The following TASOR2 variants were observed in gnomAD, a reference collection of about 807,000 sequenced individuals.
The protein encoded by TASOR2 is protein TASOR 2.
In TASOR2, 84 loss-of-function variants were observed where a neutral mutation model predicts 199.5. The observed-to-expected ratio is 0.42, with a 90% CI of 0.35 to 0.50. TASOR2 has a LOEUF of 0.50. Ranked by LOEUF, TASOR2 falls within the 20% of genes least tolerant of loss-of-function variation. The pLI is 0.02. For missense variants in TASOR2, 2,796 were observed against 2,835.9 expected (o/e 0.99, Z 0.32); for synonymous variants, 1,103 against 1,046.6 (o/e 1.05, Z -1.04).
In TASOR2 at chr10:5,738,570, G is replaced by A. The variant is rs1057446780; in HGVS notation, c.1448-1048G>A. On this transcript the variant is annotated intron_variant, in intron 12 of 20. Transcript: ENST00000328090. This position sits in a 1 kb window ranked among gnomAD's most constrained non-coding sequence, Gnocchi z 4.7. ...ATAAAAACTGGGCAGTCGTTGATCA[G>A]TTTAACCCTTTCCCCATGTATGTGC... Among the ~76,000 whole-genome samples, 3 of 152,200 alleles carry A rather than the reference G, an allele frequency of 2.0e-5. No homozygotes were observed. The highest frequency in any genetic ancestry group is 7.2e-5 in the African/African-American group (3 of 41,460).
chr10:5,727,267 C>CT (rs1834167792), intron 10 of TASOR2, 144 bp downstream of exon 11: 2 of 769,028 alleles, frequency 2.6e-6, no homozygotes, highest in African/African-American at 3.5e-5. Flanking sequence ...GTTCACCCTT[C>CT]TTGACCTCCC....
At chr10:5,731,715 G>GA (rs1347107021) in intron 11 of TASOR2, among the ~76,000 whole-genome samples, 1 of 152,302 alleles carries the variant, frequency 6.6e-6, no homozygotes, top group East Asian at 1.9e-4. Flanking sequence ...GAAAGACCAA[G>GA]ATACCTCAAA....
intron 18 of TASOR2, 149 bp downstream of exon 19, chr10:5,759,141 G>A: frequency 1.6e-6 from 1 of 619,060 alleles, no homozygotes. Context: ...TTCAATGAAG[G>A]AAGCTATGTG....
chr10:5,729,002 A>G (rs899532793), intron 10 of TASOR2, among the ~76,000 whole-genome samples: 6 of 152,184 alleles, frequency 3.9e-5, no homozygotes, highest in African/African-American at 1.4e-4. Flanking sequence ...AAATTCTCAC[A>G]TAAATATGAT....
At position 5,737,350 on chromosome 10, in the gene TASOR2, G is replaced by C. The variant is rs1835763488; in HGVS notation, c.1447+1804G>C. Reference sequence around the variant, plus strand: ...TTTAAGTTTTTTCAGATTGTTTTATGACTGAAGATTTTTTTAAAAGCTCAT... The same window carrying C: ...TTTAAGTTTTTTCAGATTGTTTTATCACTGAAGATTTTTTTAAAAGCTCAT... On this transcript the variant is annotated intron_variant, in intron 12 of 20. Coordinates refer to ENST00000328090, the Ensembl canonical transcript of TASOR2. The surrounding 1 kb of genome is among the most constrained non-coding windows in gnomAD (Gnocchi z 4.9). 6.7e-6 allele frequency among the ~76,000 whole-genome samples: 1 copy of C among 150,134 alleles called. No homozygotes were observed. The highest frequency in any genetic ancestry group is 1.5e-5 in the Non-Finnish European group (1 of 67,608).
At chr10:5,712,227 A>G (rs1266179220) in intron 1 of TASOR2, 2 of 413,356 alleles carry the variant, frequency 4.8e-6, no homozygotes, top group Non-Finnish European at 8.1e-6. Flanking sequence ...TATTTAGGTT[A>G]TTTTCTTTAC....
chr10:5,728,635 C>T (rs1834377553), intron 10 of TASOR2, among the ~76,000 whole-genome samples: 1 of 151,610 alleles, frequency 6.6e-6, no homozygotes, highest in Non-Finnish European at 1.5e-5. Flanking sequence ...AAAAACAAAA[C>T]AATTCAGTTA....
chr10:5,730,696 C>G lies in TASOR2; in HGVS notation c.697C>G (p.Pro233Ala), dbSNP rs574658026. 2.9e-5 allele frequency: 47 copies of G among 1,614,124 alleles called. 1 individual carries two copies. The South Asian group carries it at 5.1e-4, about 17-fold the overall frequency. The change falls in exon 11 of 21, where the codon CCT becomes GCT. Residue 233 changes from proline (P) to alanine (A), a missense_variant. Transcript: ENST00000328090. The surrounding 1 kb of genome is among the most constrained non-coding windows in gnomAD (Gnocchi z 4.1). Reference sequence around the variant, plus strand: ...TGCTCCTCAGGATAGAATGAAAGACCCTACATTCTTGGGGAAACTGCCCAG... The same window carrying G: ...TGCTCCTCAGGATAGAATGAAAGACGCTACATTCTTGGGGAAACTGCCCAG...
At chr10:5,731,025 G>A (rs377237196) in exon 11 of TASOR2, 31 of 1,614,058 alleles carry the variant, frequency 1.9e-5, no homozygotes, top group South Asian at 1.1e-4. Context: ...TGAGTCCAGC[G>A]TCAAATCTGA....
exon 15 of TASOR2, chr10:5,747,747 G>C (rs780183914): frequency 6.2e-7 from 1 of 1,614,174 alleles, no homozygotes; most frequent in Non-Finnish European, 8.5e-7. Context: ...CCCAATGTGA[G>C]TCAGAAGACT....
At chr10:5,755,108 C>A (rs1045305374) in intron 15 of TASOR2, among the ~76,000 whole-genome samples, 7 of 148,430 alleles carry the variant, frequency 4.7e-5, no homozygotes, top group African/African-American at 1.7e-4. Flanking sequence ...CAGACCACCA[C>A]AGGATTTGAT....
exon 15 of TASOR2, chr10:5,749,582 C>G: frequency 6.2e-7 from 1 of 1,614,046 alleles, no homozygotes; most frequent in Non-Finnish European, 8.5e-7. Flanking sequence ...CAGGGGCAGC[C>G]CAGGAGAGGC....
intron 2 of TASOR2, 77 bp from the exon 3 acceptor site, chr10:5,714,058 T>TAAAA (rs3834899): frequency 4.2e-4 from 257 of 607,926 alleles, no homozygotes; most frequent in Non-Finnish European, 5.3e-4. Flanking sequence ...AAAATAAAAT[T>TAAAA]AAAAAAAAAA....
At chr10:5,697,702 A>G (rs1372347640) in intron 1 of TASOR2, among the ~76,000 whole-genome samples, 1 of 152,194 alleles carries the variant, frequency 6.6e-6, no homozygotes, top group African/African-American at 2.4e-5. Context: ...ATAAAACAGC[A>G]GTCCTCTGAT....
chr10:5,757,509 G>T lies in TASOR2; in HGVS notation c.6733-11G>T. On this transcript the variant is annotated splice_polypyrimidine_tract_variant and intron_variant, in intron 16 of 20. Transcript: ENST00000328090. The stretch of plus-strand genomic sequence containing the variant: ...GCCTCTCTTCACCGGGGTCCTTTTT[G>T]TGTCATGCAGATTCCTTCTTTGCTG... 6.3e-7 allele frequency: 1 copy of T among 1,587,446 alleles called. No homozygotes were observed. Among genetic ancestry groups the T allele is most frequent in the Non-Finnish European group, 8.5e-7 (1 of 1,171,594 alleles).
chr10:5,703,354 G>A (rs1838140549), intron 1 of TASOR2, among the ~76,000 whole-genome samples: 1 of 151,884 alleles, frequency 6.6e-6, no homozygotes, highest in African/African-American at 2.4e-5. Context: ...TGTCTAATAA[G>A]GCATAGGTTT....
rs562095085 is a variant in TASOR2, at chr10:5,701,865, G to A, written c.-287-10958G>A. On this transcript the variant is annotated intron_variant, in intron 1 of 20. Transcript: ENST00000328090. This position sits in a 1 kb window ranked among gnomAD's most constrained non-coding sequence, Gnocchi z 4.9. ...CAGTTCTAACAATTTTTTTGGTGGA[G>A]TCCAGGTTTTTCTAAGTATAAGATC... Among the ~76,000 whole-genome samples the A allele has an allele frequency of 5.9e-5, 9 of 152,226 alleles. No individual in the cohort carries two copies. The South Asian group carries it at 1.7e-3, about 28-fold the overall frequency.
rs989610870 is a variant in TASOR2 at position 5,742,763 on chromosome 10, G to A, written c.2757+237G>A. The stretch of plus-strand genomic sequence containing the variant: ...AACCAGAGTAGAAAAATGTCACAGG[G>A]TCCACATGATCTGGGAGCCCAGCAT... On this transcript the variant is annotated intron_variant, in intron 14 of 20. Coordinates refer to ENST00000328090, the Ensembl canonical transcript of TASOR2. This position sits in a 1 kb window ranked among gnomAD's most constrained non-coding sequence, Gnocchi z 4.2. Among the ~76,000 whole-genome samples the A allele has an allele frequency of 2.6e-5, 4 of 152,084 alleles. No homozygotes were observed.
Position 5,735,595 on chromosome 10 carries a change from CAGAG to C in TASOR2, c.1447+52_1447+55del, listed in dbSNP as rs781048470. On this transcript the variant is annotated intron_variant, in intron 12 of 20. Transcript: ENST00000328090. ...TTTAAACACCCCAATACAGATCTAA[CAGAG>C]AGTGCAAGATAATTTATTGAAATAG... is the stretch of plus-strand genomic sequence containing the variant. 1.6e-5 allele frequency: 26 copies of C among 1,579,268 alleles called. No individual in the cohort carries two copies. The African/African-American group carries it at 3.4e-4, about 21-fold the overall frequency.
Sources: allele counts gnomAD v4.1 joint callset (sites outside exome capture counted in the v4.1 genomes callset), GRCh38; gene constraint gnomAD v4.1.1; non-coding constraint Gnocchi (gnomAD v3.1); transcripts MANE v1.5; gene names NCBI Gene and HGNC (gene_info 2026-07-23, HGNC 2026-07-21).